STON1: variants seen among roughly 807,000 people sequenced by gnomAD.
The protein encoded by STON1 is stonin 1.
Under a neutral mutation model 60.9 loss-of-function variants are expected in STON1, and 79 were observed. That is an observed-to-expected ratio of 1.30 (90% CI 1.08 to 1.56). STON1 has a LOEUF of 1.56. STON1 is among the 40% of genes most tolerant of loss of function. STON1 has a pLI of 0.00. For synonymous variants in STON1, 363 were observed against 306.9 expected (o/e 1.18, Z -1.91); for missense variants, 1,166 against 858.9 (o/e 1.36, Z -4.47).
intron 1 of STON1, among the ~76,000 whole-genome samples, chr2:48,533,299 T>G (rs1004084456): frequency 1.3e-5 from 2 of 151,292 alleles, no homozygotes; most frequent in East Asian, 3.9e-4. Flanking sequence ...GGAGAATCAC[T>G]TGAACCTGGG....
chr2:48,590,636 A>ACACACACACACACAC (rs141099895), intron 2 of STON1, among the ~76,000 whole-genome samples: 9 of 142,120 alleles, frequency 6.3e-5, no homozygotes, highest in East Asian at 6.3e-4. Context: ...ATTTCCTTAT[A>ACACACACACACACAC]ACACACACAC....
chr2:48,530,437 C>T (rs1479344371), intron 1 of STON1: 3 of 205,114 alleles, frequency 1.5e-5, no homozygotes, highest in Middle Eastern at 2.0e-3. Flanking sequence ...CTCCTCGGCT[C>T]CCCTCTGTTC....
intron 1 of STON1, among the ~76,000 whole-genome samples, chr2:48,538,061 C>G: frequency 6.6e-6 from 1 of 151,724 alleles, no homozygotes. Flanking sequence ...TCAAGCAATT[C>G]TCCTGCCTCA....
chr2:48,570,786 C>T (rs537356498), intron 1 of STON1, among the ~76,000 whole-genome samples: 1 of 148,502 alleles, frequency 6.7e-6, no homozygotes, highest in East Asian at 2.0e-4. Flanking sequence ...AGCCATAATA[C>T]ATACTCCTTT....
At chr2:48,564,492 C>A (rs1572952825) in intron 1 of STON1, among the ~76,000 whole-genome samples, 11 of 24,618 alleles carry the variant, frequency 4.5e-4, no homozygotes, top group African/African-American at 1.6e-3. Flanking sequence ...TCTTCTTCTT[C>A]TTCTTCTTCT....
rs933781878 is a variant in STON1 at position 48,582,207 on chromosome 2, A to G, written c.1574A>G (p.Asn525Ser). 1 of 1,614,076 alleles carries G rather than the reference A, an allele frequency of 6.2e-7. No individual in the cohort carries two copies. Among genetic ancestry groups the G allele is most frequent in the Non-Finnish European group, 8.5e-7 (1 of 1,180,044 alleles). The change falls in exon 2 of 4, where the codon AAT becomes AGT. Residue 525 changes from asparagine to serine, a missense_variant. Asn to Ser is a conservative substitution (Grantham distance 46). Coordinates refer to ENST00000404752, the MANE Select transcript of STON1 (RefSeq NM_006873.4). Reference protein sequence around the residue: ...MRFKTLYNGDNLPFSLKSVVV... With the variant: ...MRFKTLYNGDSLPFSLKSVVV... ...TTCAAGACTTTGTATAATGGGGATA[A>G]TCTTCCCTTTTCCTTGAAGTCTGTA...
intron 1 of STON1, among the ~76,000 whole-genome samples, chr2:48,560,631 A>G (rs1672569938): frequency 3.3e-5 from 5 of 152,162 alleles, no homozygotes. Flanking sequence ...CTGAGAACAG[A>G]AGGTAGATAG....
At chr2:48,564,534 CTTCTTCTTCTTCTTCTTCTTCTT>C in intron 1 of STON1, among the ~76,000 whole-genome samples, 1 of 48,372 alleles carries the variant, frequency 2.1e-5, no homozygotes, top group African/African-American at 7.7e-5. Flanking sequence ...TCTTCTTCTT[CTTCTTCTTCTTCTTCTTCTTCTT>C]CTTCTTCTTC....
chr2:48,577,594 GA>G (rs775509008), intron 1 of STON1, among the ~76,000 whole-genome samples: 3 of 141,296 alleles, frequency 2.1e-5, no homozygotes, highest in Non-Finnish European at 3.1e-5. Flanking sequence ...AAAAAAAAAA[GA>G]AAAAAAAACA....
At chr2:48,588,031 T>A (rs1028984610) in intron 2 of STON1, among the ~76,000 whole-genome samples, 1 of 152,072 alleles carries the variant, frequency 6.6e-6, no homozygotes, top group African/African-American at 2.4e-5. Flanking sequence ...TCTTGAGAAG[T>A]AGGGTAATAA....
chr2:48,553,826 T>C (rs1191500933), intron 1 of STON1, among the ~76,000 whole-genome samples: 1 of 152,154 alleles, frequency 6.6e-6, no homozygotes, highest in Non-Finnish European at 1.5e-5. Context: ...TCGTAGATTG[T>C]TTGAGTTTGA....
Position 48,597,477 on chromosome 2 carries a change from C to T in STON1, c.*2175C>T, listed in dbSNP as rs535869113. 1.3e-5 allele frequency: 2 copies of T among 152,346 alleles called. No homozygotes were observed. The highest frequency in any genetic ancestry group is 3.9e-4 in the East Asian group (2 of 5,186). 9.4% of individuals were successfully genotyped at this position (152,346 alleles called of 1,614,324 possible). A position where few individuals can be genotyped will look rare whatever the true frequency, so the allele number is the denominator to read the frequency against. Reference sequence around the variant, plus strand: ...TTAGGATGAACTTAATGACTATTTACACCTCAAAATATATTCAGCAAAGGG... The same window carrying T: ...TTAGGATGAACTTAATGACTATTTATACCTCAAAATATATTCAGCAAAGGG... On this transcript the variant is annotated 3_prime_UTR_variant, in exon 4 of 4. Transcript: ENST00000404752.
At chr2:48,542,124 A>T (rs1024932854) in intron 1 of STON1, among the ~76,000 whole-genome samples, 3 of 152,238 alleles carry the variant, frequency 2.0e-5, no homozygotes, top group Non-Finnish European at 4.4e-5. Flanking sequence ...TGTGTCTCTA[A>T]CAGTGCAGAG....
At chr2:48,565,303 C>T (rs1004111378) in intron 1 of STON1, among the ~76,000 whole-genome samples, 60 of 152,186 alleles carry the variant, frequency 3.9e-4, no homozygotes, top group African/African-American at 1.4e-3. Flanking sequence ...CCACCCGCCT[C>T]GGCCTCCCAA....
intron 1 of STON1, among the ~76,000 whole-genome samples, chr2:48,564,654 CTTCTTT>C (rs1558606444): frequency 9.5e-6 from 1 of 105,180 alleles, no homozygotes; most frequent in Non-Finnish European, 2.0e-5. Context: ...CCTTCTTCTT[CTTCTTT>C]CTTATTTCTT....
At chr2:48,533,456 C>T (rs189565010) in intron 1 of STON1, among the ~76,000 whole-genome samples, 185 of 151,812 alleles carry the variant, frequency 1.2e-3, no homozygotes, top group African/African-American at 4.0e-3. Flanking sequence ...TGGGAGGCCA[C>T]GGCAGGTGGA....
At chr2:48,562,510 G>T (rs1672654202) in intron 1 of STON1, among the ~76,000 whole-genome samples, 1 of 152,148 alleles carries the variant, frequency 6.6e-6, no homozygotes, top group African/African-American at 2.4e-5. Context: ...AATTTATTTG[G>T]TCCTTGTGAA....
At chr2:48,533,680 AAAG>A (rs1470048056) in intron 1 of STON1, among the ~76,000 whole-genome samples, 2 of 151,644 alleles carry the variant, frequency 1.3e-5, no homozygotes, top group Non-Finnish European at 1.5e-5. Flanking sequence ...AAAAAAAAAA[AAAG>A]AGATAAAAGA....
Position 48,591,650 on chromosome 2 carries a change from G to C in STON1, c.1931-3G>C, listed in dbSNP as rs201493536. Reference sequence around the variant, plus strand: ...TTGACTATTTGATTTTTTTTCCCTCGAGGTCTAGATCATCCCCATTGTCTG... The same window carrying C: ...TTGACTATTTGATTTTTTTTCCCTCCAGGTCTAGATCATCCCCATTGTCTG... On this transcript the variant is annotated splice_polypyrimidine_tract_variant and splice_region_variant and intron_variant, in intron 2 of 3. Transcript: ENST00000404752. 4 of 1,604,114 alleles carry C rather than the reference G, an allele frequency of 2.5e-6. 1 individual carries two copies. Among genetic ancestry groups the C allele is most frequent in the South Asian group, 1.1e-5 (1 of 89,106 alleles).
Sources: gnomAD v4.1 joint callset for allele counts (sites outside exome capture counted in the v4.1 genomes callset) on GRCh38, gnomAD v4.1.1 for gene constraint, MANE v1.5 for transcripts, NCBI Gene and HGNC (gene_info 2026-07-23, HGNC 2026-07-21) for gene names.